The following RPS6KA2 variants were observed in gnomAD, a reference collection of about 807,000 sequenced individuals.
The protein encoded by RPS6KA2 is ribosomal protein S6 kinase alpha-2.
Under a neutral mutation model 91.8 loss-of-function variants are expected in RPS6KA2, and 42 were observed. The observed-to-expected ratio is 0.46, with a 90% CI of 0.36 to 0.59. The LOEUF (loss-of-function observed/expected upper bound fraction) is 0.59, where lower values mean the gene tolerates loss of function less well. Among genes scored for constraint, RPS6KA2 ranks in the 20% least tolerant of loss-of-function variants. The pLI, the probability that RPS6KA2 is intolerant of heterozygous loss-of-function variation, is 0.00. For synonymous variants in RPS6KA2, 414 were observed against 393.6 expected, an observed-to-expected ratio of 1.05 and a Z score of -0.61; for missense variants, 798 against 978.5, an observed-to-expected ratio of 0.82 and a Z score of 2.46.
At chr6:166,432,350 A>C in intron 15 of RPS6KA2, 51 bp downstream of exon 15, 1 of 1,204,060 alleles carries the variant, frequency 8.3e-7, no homozygotes, top group Non-Finnish European at 1.2e-6. Context: ...GTTTTGTGTC[A>C]GTTGAAGAAA....
At chr6:166,793,827 T>C (rs867162083) in intron 2 of RPS6KA2, among the ~76,000 whole-genome samples, 7 of 152,036 alleles carry the variant, frequency 4.6e-5, no homozygotes, top group Middle Eastern at 3.4e-3. Flanking sequence ...CTGGATCCCT[T>C]CCTTACACCT....
chr6:166,569,018 A>G (rs3799611), intron 1 of RPS6KA2, among the ~76,000 whole-genome samples: 38,654 of 152,176 alleles, frequency 0.25, 5,455 homozygotes, highest in Admixed American at 0.36. Flanking sequence ...GCTTACATTA[A>G]TAAACGTATA....
chr6:166,548,834 C>T (rs750538807), intron 1 of RPS6KA2, among the ~76,000 whole-genome samples: 3 of 152,094 alleles, frequency 2.0e-5, no homozygotes, highest in African/African-American at 4.8e-5. Flanking sequence ...AGTGATAAAT[C>T]AAACTTCATC....
chr6:166,810,797 C>G (rs1165186522), intron 2 of RPS6KA2, among the ~76,000 whole-genome samples: 1 of 152,224 alleles, frequency 6.6e-6, no homozygotes, highest in East Asian at 1.9e-4. Flanking sequence ...AATTTCCTGC[C>G]TAAGCCCAGG....
chr6:166,501,053 C>T (rs1782009612), intron 6 of RPS6KA2, 129 bp from the exon 7 acceptor site: 8 of 734,888 alleles, frequency 1.1e-5, no homozygotes, highest in African/African-American at 1.8e-5. Flanking sequence ...ATGGAGCTGG[C>T]CCAGGAGATC....
chr6:166,504,846 GC>G (rs1703922184), intron 5 of RPS6KA2, among the ~76,000 whole-genome samples: 1 of 152,128 alleles, frequency 6.6e-6, no homozygotes, highest in Non-Finnish European at 1.5e-5. Flanking sequence ...GGTGACTCAT[GC>G]CGCCTTGAGA....
At chr6:166,800,540 TGAGGACACAGCACTTAGCCCCTCTG>T (rs1292390976) in intron 2 of RPS6KA2, among the ~76,000 whole-genome samples, 1 of 152,188 alleles carries the variant, frequency 6.6e-6, no homozygotes, top group Non-Finnish European at 1.5e-5. Flanking sequence ...TCCTGTCATG[TGAGGACACAGCACTTAGCCCCTCTG>T]GAGGACGCAG....
rs117885265 is a variant in RPS6KA2 at position 166,842,687 on chromosome 6, C to T, written c.123+15513G>A. Among the ~76,000 whole-genome samples, 814 of 152,324 alleles carry T rather than the reference C, an allele frequency of 5.3e-3. 3 individuals carry two copies. Among genetic ancestry groups the T allele is most frequent in the Non-Finnish European group, 9.4e-3 (641 of 68,028 alleles). ...GCATCACGTCCCACAACTTGTGTCTCCGGCCAGCTCCGTGCTTCTTAGCCC... is the reference window on the plus strand; with the variant it reads ...GCATCACGTCCCACAACTTGTGTCTTCGGCCAGCTCCGTGCTTCTTAGCCC... On this transcript the variant is annotated intron_variant, in intron 2 of 21. Coordinates refer to the RPS6KA2 transcript ENST00000503859.
chr6:166,699,947 T>G (rs959796895), intron 2 of RPS6KA2, among the ~76,000 whole-genome samples: 7 of 152,234 alleles, frequency 4.6e-5, no homozygotes, highest in African/African-American at 1.7e-4. Context: ...AGCCTTTTGT[T>G]GCCTTTAAAC....
At chr6:166,822,244 C>T (rs191612559) in intron 2 of RPS6KA2, among the ~76,000 whole-genome samples, 253 of 152,324 alleles carry the variant, frequency 1.7e-3, no homozygotes, top group African/African-American at 4.8e-3. Flanking sequence ...CGACTCCCAG[C>T]GCCTCAGAAT....
chr6:166,710,510 G>T (rs917750947), intron 2 of RPS6KA2, among the ~76,000 whole-genome samples: 6 of 138,012 alleles, frequency 4.3e-5, no homozygotes, highest in African/African-American at 1.3e-4. Context: ...GTGTGTGTGT[G>T]GTGTGTGTGT....
intron 7 of RPS6KA2, 80 bp from the exon 8 acceptor site, chr6:166,498,730 C>A (rs1211809240): frequency 1.3e-6 from 2 of 1,551,134 alleles, no homozygotes; most frequent in Admixed American, 1.8e-5. Flanking sequence ...CATCAGCGTC[C>A]TTCTGTGGGC....
chr6:166,450,378 C>T lies in RPS6KA2; in HGVS notation c.1206+725G>A, dbSNP rs1051437351. On this transcript the variant is annotated intron_variant, in intron 13 of 20. Coordinates refer to ENST00000265678, the MANE Select transcript of RPS6KA2 (RefSeq NM_021135.6). The stretch of plus-strand genomic sequence containing the variant: ...ACCCTAGGCACCAGCATGGGGACCA[C>T]GACAGGGACCACCACAGGAGATCAC... 9.7e-5 allele frequency among the ~76,000 whole-genome samples: 14 copies of T among 144,754 alleles called. No homozygotes were observed. In the South Asian group the frequency reaches 1.3e-3, roughly 14 times the overall value. The allele number at this position is 144,754 out of a possible 152,430, so 95.0% of individuals were successfully genotyped here.
At chr6:166,663,819 A>T (rs938586322) in intron 2 of RPS6KA2, among the ~76,000 whole-genome samples, 1 of 152,246 alleles carries the variant, frequency 6.6e-6, no homozygotes, top group Admixed American at 6.5e-5. Flanking sequence ...TGGAGCTGAC[A>T]GTCAAGCCTC....
At chr6:166,637,018 G>C (rs1221500119) in intron 2 of RPS6KA2, among the ~76,000 whole-genome samples, 1 of 152,220 alleles carries the variant, frequency 6.6e-6, no homozygotes, top group African/African-American at 2.4e-5. Flanking sequence ...AGGAAATTCG[G>C]CAGCATCTGT....
At chr6:166,724,198 T>A (rs1387233881) in intron 2 of RPS6KA2, among the ~76,000 whole-genome samples, 1 of 152,214 alleles carries the variant, frequency 6.6e-6, no homozygotes, top group Admixed American at 6.5e-5. Context: ...TATAAATATA[T>A]TTGCCTCTGA....
chr6:166,710,404 A>G (rs1583039711), intron 2 of RPS6KA2, among the ~76,000 whole-genome samples: 1 of 152,052 alleles, frequency 6.6e-6, no homozygotes, highest in Non-Finnish European at 1.5e-5. Context: ...TTTTTGTAAA[A>G]TATGTATATA....
At position 166,603,069 on chromosome 6, in the gene RPS6KA2, C is replaced by T. The variant is rs1785808794; in HGVS notation, c.99+23852G>A. Among the ~76,000 whole-genome samples the T allele has an allele frequency of 6.6e-6, 1 of 152,204 alleles. No homozygotes were observed. The highest frequency in any genetic ancestry group is 1.5e-5 in the Non-Finnish European group (1 of 68,034). On this transcript the variant is annotated intron_variant, in intron 1 of 20. Coordinates refer to ENST00000265678, the MANE Select transcript of RPS6KA2 (RefSeq NM_021135.6). The surrounding 1 kb of genome is among the most constrained non-coding windows in gnomAD (Gnocchi z 4.3). ...TCATTCAAAGACTAAGAGACCTAAA[C>T]ATTTGGAAATGTAAACATTCACTTA...
intron 2 of RPS6KA2, among the ~76,000 whole-genome samples, chr6:166,746,959 T>C (rs1039629640): frequency 1.3e-5 from 2 of 152,064 alleles, no homozygotes; most frequent in African/African-American, 4.8e-5. Context: ...GGACATGGGG[T>C]GAAGCATGGG....
Sources: gnomAD v4.1 joint callset for allele counts (sites outside exome capture counted in the v4.1 genomes callset) on GRCh38, gnomAD v4.1.1 for gene constraint, Gnocchi (gnomAD v3.1) non-coding constraint, MANE v1.5 for transcripts, NCBI Gene and HGNC (gene_info 2026-07-23, HGNC 2026-07-21) for gene names.